Variants in NRG4 observed in about 807,000 individuals in gnomAD.
NRG4 encodes the protein pro-neuregulin-4, membrane-bound isoform.
NRG4 carries 10 observed loss-of-function variants against 15.0 expected under a neutral mutation model. The observed-to-expected ratio is 0.67, with a 90% CI of 0.41 to 1.13. The LOEUF is 1.13. Among genes scored for constraint, NRG4 ranks in the 50% most tolerant of loss-of-function variants. The pLI, the probability that NRG4 is intolerant of heterozygous loss-of-function variation, is 0.00. For synonymous variants in NRG4, 41 were observed against 50.1 expected (o/e 0.82, Z 0.77); for missense variants, 139 against 140.2 (o/e 0.99, Z 0.04).
intron 4 of NRG4, among the ~76,000 whole-genome samples, chr15:76,038,738 G>A (rs1367181561): frequency 6.6e-6 from 1 of 152,154 alleles, no homozygotes; most frequent in Non-Finnish European, 1.5e-5. Context: ...GATGCTGACT[G>A]TAGAGCCCTA....
At chr15:75,984,964 C>T (rs2033743889) in intron 3 of NRG4, among the ~76,000 whole-genome samples, 1 of 152,094 alleles carries the variant, frequency 6.6e-6, no homozygotes, top group Admixed American at 6.6e-5. Context: ...TGTGCTTCAG[C>T]CTCCCATGTA....
At chr15:75,952,578 TCGC>T (rs2031972781) in intron 5 of NRG4, among the ~76,000 whole-genome samples, 1 of 151,536 alleles carries the variant, frequency 6.6e-6, no homozygotes. Context: ...TTCTTTTTTT[TCGC>T]CCTCCTCAAA....
chr15:75,955,134 A>C (rs1330673162), intron 5 of NRG4, among the ~76,000 whole-genome samples: 1 of 152,102 alleles, frequency 6.6e-6, no homozygotes, highest in Non-Finnish European at 1.5e-5. Flanking sequence ...ACATGCCCTG[A>C]TTAGTACTCA....
chr15:76,028,102 T>A (rs762550002), intron 5 of NRG4, among the ~76,000 whole-genome samples: 2 of 151,588 alleles, frequency 1.3e-5, no homozygotes, highest in Non-Finnish European at 2.9e-5. Flanking sequence ...TAATGATGCA[T>A]CTCAAGGAAC....
intron 3 of NRG4, among the ~76,000 whole-genome samples, chr15:75,993,959 T>A (rs1441504398): frequency 6.6e-6 from 1 of 152,190 alleles, no homozygotes; most frequent in East Asian, 1.9e-4. Flanking sequence ...AAAATTATTA[T>A]CTGCTAATTG....
At chr15:76,040,669 G>A (rs1009556046) in intron 4 of NRG4, among the ~76,000 whole-genome samples, 1 of 152,176 alleles carries the variant, frequency 6.6e-6, no homozygotes, top group African/African-American at 2.4e-5. Flanking sequence ...TGTTATCCCA[G>A]CACCTTGGGA....
At chr15:75,972,874 G>A (rs954947015) in intron 3 of NRG4, among the ~76,000 whole-genome samples, 7 of 152,268 alleles carry the variant, frequency 4.6e-5, no homozygotes, top group African/African-American at 1.4e-4. Flanking sequence ...GGTTCCATAT[G>A]AAATTTAAAG....
intron 4 of NRG4, among the ~76,000 whole-genome samples, chr15:76,042,608 G>C (rs944870995): frequency 6.6e-6 from 1 of 151,840 alleles, no homozygotes; most frequent in Non-Finnish European, 1.5e-5. Flanking sequence ...ATTCAACCAT[G>C]AAGAAATCCA....
At chr15:75,991,489 A>G (rs2034015078) in intron 3 of NRG4, among the ~76,000 whole-genome samples, 1 of 152,194 alleles carries the variant, frequency 6.6e-6, no homozygotes, top group African/African-American at 2.4e-5. Flanking sequence ...AGACTTTTTT[A>G]TAGCCCAACC....
chr15:75,955,032 G>T (rs1390148323), intron 5 of NRG4, among the ~76,000 whole-genome samples: 1 of 151,954 alleles, frequency 6.6e-6, no homozygotes, highest in Admixed American at 6.6e-5. Context: ...AGCCTCAGTG[G>T]GAACAGACAC....
Position 75,942,057 on chromosome 15 carries a change from A to G in NRG4, c.*1581T>C, listed in dbSNP as rs1196309827. On this transcript the variant is annotated 3_prime_UTR_variant, in exon 6 of 6. Coordinates refer to ENST00000394907, the MANE Select transcript of NRG4 (RefSeq NM_138573.4). ...AACTTTAAGTGTATATTGCTAAGTG[A>G]AAGAAGTTAGTCTGAAAGGCTACAT... The G allele has an allele frequency of 6.6e-6, 1 of 150,974 alleles. No homozygotes were observed. The highest frequency in any genetic ancestry group is 2.4e-5 in the African/African-American group (1 of 41,060). The allele number at this position is 150,974 out of a possible 1,614,324, so 9.4% of individuals were successfully genotyped here. A position where few individuals can be genotyped will look rare whatever the true frequency, so the allele number is the denominator to read the frequency against.
intron 3 of NRG4, among the ~76,000 whole-genome samples, chr15:75,972,737 T>C (rs1045039080): frequency 1.2e-4 from 18 of 152,308 alleles, no homozygotes; most frequent in Admixed American, 1.0e-3. Context: ...TATATATCTG[T>C]TTTGGTACCA....
At chr15:75,956,079 A>G in intron 4 of NRG4, 68 bp from the exon 5 acceptor site, 1 of 793,258 alleles carries the variant, frequency 1.3e-6, no homozygotes, top group Non-Finnish European at 2.0e-6. Flanking sequence ...GAAGACCTAG[A>G]AAGAAAGTTT....
chr15:76,006,395 G>A (rs1259821472), intron 3 of NRG4, among the ~76,000 whole-genome samples: 1 of 152,090 alleles, frequency 6.6e-6, no homozygotes, highest in African/African-American at 2.4e-5. Flanking sequence ...TAAGATAATT[G>A]GAAAACAATT....
chr15:75,983,563 A>G (rs2033683286), intron 3 of NRG4, among the ~76,000 whole-genome samples: 1 of 152,182 alleles, frequency 6.6e-6, no homozygotes, highest in Non-Finnish European at 1.5e-5. Flanking sequence ...AAGTAAAACT[A>G]TTGCTATTTA....
intron 5 of NRG4, among the ~76,000 whole-genome samples, chr15:76,034,467 T>C (rs1228288933): frequency 1.3e-5 from 2 of 152,158 alleles, no homozygotes; most frequent in Non-Finnish European, 2.9e-5. Flanking sequence ...TCTAAGGTAG[T>C]TTCTAAACAG....
intron 3 of NRG4, among the ~76,000 whole-genome samples, chr15:75,973,793 A>G (rs1177910945): frequency 1.3e-5 from 2 of 152,208 alleles, no homozygotes; most frequent in African/African-American, 4.8e-5. Context: ...GGATTTTCAT[A>G]TCGATGTTCA....
At chr15:75,960,573 T>C (rs971646119) in intron 4 of NRG4, among the ~76,000 whole-genome samples, 4 of 152,182 alleles carry the variant, frequency 2.6e-5, no homozygotes. Context: ...GGCTGTTGGC[T>C]GGAAGTTCAG....
intron 4 of NRG4, 67 bp from the exon 5 acceptor site, chr15:75,956,078 G>A: frequency 1.2e-6 from 1 of 802,202 alleles, no homozygotes; most frequent in Non-Finnish European, 2.0e-6. Context: ...AGAAGACCTA[G>A]AAAGAAAGTT....
Sources: allele counts gnomAD v4.1 joint callset (sites outside exome capture counted in the v4.1 genomes callset), GRCh38; gene constraint gnomAD v4.1.1; transcripts MANE v1.5; gene names NCBI Gene and HGNC (gene_info 2026-07-23, HGNC 2026-07-21).